The following RPS6KC1 variants were observed in gnomAD, a reference collection of about 807,000 sequenced individuals.
The protein encoded by RPS6KC1 is ribosomal protein S6 kinase C1.
A neutral mutation model predicts 103.8 loss-of-function variants in RPS6KC1; 54 were observed. The ratio of observed to expected loss-of-function variants is 0.52; its 90% CI spans 0.42 to 0.65. The LOEUF is 0.65. RPS6KC1 is among the 30% of genes least tolerant of loss of function. The pLI, the probability that RPS6KC1 is intolerant of heterozygous loss-of-function variation, is 0.00. For missense variants in RPS6KC1, 1,151 were observed against 1,253.8 expected, an observed-to-expected ratio of 0.92 and a Z score of 1.24; for synonymous variants, 439 against 438.7, an observed-to-expected ratio of 1.00 and a Z score of -0.01.
the RPS6KC1 span, among the ~76,000 whole-genome samples, chr1:213,516,137 G>A: frequency 2.0e-5 from 3 of 152,110 alleles, no homozygotes; most frequent in East Asian, 3.9e-4. Flanking sequence ...GGGCTGAGAT[G>A]ATGGGGTTTT....
chr1:213,153,278 AAGGCAGGCGCAG>A (rs1336548739), intron 6 of RPS6KC1, among the ~76,000 whole-genome samples: 13 of 149,802 alleles, frequency 8.7e-5, no homozygotes, highest in South Asian at 6.4e-4. Flanking sequence ...GGGAGAGGCA[AAGGCAGGCGCAG>A]AGGCAGGCAC....
the RPS6KC1 span, among the ~76,000 whole-genome samples, chr1:213,303,300 TCG>T: frequency 6.6e-6 from 1 of 152,194 alleles, no homozygotes; most frequent in Non-Finnish European, 1.5e-5. Context: ...CTTGGAAGCC[TCG>T]GTTGTGAAAG....
At chr1:213,594,160 C>T in the RPS6KC1 span, among the ~76,000 whole-genome samples, 1 of 152,132 alleles carries the variant, frequency 6.6e-6, no homozygotes, top group African/African-American at 2.4e-5. Context: ...CCACCATGCC[C>T]AGCCTAAAAA....
the RPS6KC1 span, among the ~76,000 whole-genome samples, chr1:213,448,143 T>C: frequency 7.4e-6 from 1 of 134,450 alleles, no homozygotes; most frequent in African/African-American, 2.9e-5. Context: ...GAGGCTAAGG[T>C]GGGAGGATTG....
At chr1:213,558,447 CG>C in the RPS6KC1 span, among the ~76,000 whole-genome samples, 1 of 152,060 alleles carries the variant, frequency 6.6e-6, no homozygotes, top group East Asian at 1.9e-4. Context: ...ATTTGGGGTA[CG>C]GGGCCAAAAC....
chr1:213,772,706 G>A, the RPS6KC1 span, among the ~76,000 whole-genome samples: 15 of 152,084 alleles, frequency 9.9e-5, no homozygotes, highest in Non-Finnish European at 2.1e-4. Context: ...CGGGGATGGA[G>A]GAGCAAGAAG....
At chr1:213,306,459 G>A in the RPS6KC1 span, among the ~76,000 whole-genome samples, 13 of 152,308 alleles carry the variant, frequency 8.5e-5, no homozygotes, top group Admixed American at 8.5e-4. Context: ...TAGGCTTTAT[G>A]TTTCCAACAG....
the RPS6KC1 span, among the ~76,000 whole-genome samples, chr1:213,723,896 A>G: frequency 6.6e-6 from 1 of 151,542 alleles, no homozygotes; most frequent in East Asian, 1.9e-4. Flanking sequence ...ATGTCAAATA[A>G]TAATAAAGCC....
the RPS6KC1 span, among the ~76,000 whole-genome samples, chr1:213,744,045 G>T: frequency 6.6e-6 from 1 of 152,216 alleles, no homozygotes; most frequent in South Asian, 2.1e-4. Flanking sequence ...ACCAAATATT[G>T]TATGTTCTCA....
chr1:213,303,176 C>T, the RPS6KC1 span, among the ~76,000 whole-genome samples: 26 of 152,284 alleles, frequency 1.7e-4, no homozygotes, highest in Non-Finnish European at 2.8e-4. Context: ...TGCCTTAGGT[C>T]TTCAGCAAGC....
rs1222736575 is a variant in RPS6KC1, at chr1:213,232,256, G to A, written c.1225+1G>A. The A allele has an allele frequency of 1.2e-6, 2 of 1,613,892 alleles. No homozygotes were observed. Among genetic ancestry groups the A allele is most frequent in the Non-Finnish European group, 1.7e-6 (2 of 1,179,818 alleles). On this transcript the variant is annotated splice_donor_variant, in intron 10 of 14. Transcript: ENST00000366960. LOFTEE classifies it high-confidence loss of function. ...TTTCTTGTGCTGCAGCATGCGGAAG[G>A]TTGGTTTGTAGTTTGGATTGTTTAT... is the stretch of plus-strand genomic sequence containing the variant.
At chr1:213,707,334 G>A in the RPS6KC1 span, among the ~76,000 whole-genome samples, 17 of 152,046 alleles carry the variant, frequency 1.1e-4, no homozygotes, top group African/African-American at 2.9e-4. Flanking sequence ...TTTATTGGCC[G>A]CATAAATGTC....
chr1:213,183,741 A>G (rs1205849442), intron 8 of RPS6KC1, among the ~76,000 whole-genome samples: 1 of 152,110 alleles, frequency 6.6e-6, no homozygotes, highest in Non-Finnish European at 1.5e-5. Context: ...GAACTAGAAA[A>G]AGAACAAAAT....
the RPS6KC1 span, among the ~76,000 whole-genome samples, chr1:213,520,901 T>C: frequency 2.0e-5 from 3 of 152,198 alleles, no homozygotes; most frequent in Non-Finnish European, 4.4e-5. Context: ...GAGGGACACA[T>C]AGTAAGAAAA....
chr1:213,488,241 G>A, the RPS6KC1 span, among the ~76,000 whole-genome samples: 427 of 152,324 alleles, frequency 2.8e-3, 2 homozygotes, highest in Admixed American at 4.5e-3. Flanking sequence ...CATGTAGCTG[G>A]CAATGGATGG....
At chr1:213,279,458 A>G (rs2095118563), downstream of RPS6KC1, among the ~76,000 whole-genome samples, 1 of 152,148 alleles carries the variant, frequency 6.6e-6, no homozygotes, top group South Asian at 2.1e-4. Flanking sequence ...AAACTTATAC[A>G]CTTTTTCCCC....
At chr1:213,136,807 C>A (rs1314615374) in intron 6 of RPS6KC1, among the ~76,000 whole-genome samples, 1 of 152,168 alleles carries the variant, frequency 6.6e-6, no homozygotes, top group Non-Finnish European at 1.5e-5. Flanking sequence ...CTCCCCTCTT[C>A]AAAGGAAATT....
the RPS6KC1 span, chr1:213,820,615 A>T: frequency 6.6e-6 from 1 of 152,178 alleles, no homozygotes; most frequent in East Asian, 1.9e-4. Flanking sequence ...GTAGGCACAC[A>T]CACACAAAAA....
At chr1:213,063,115 A>G (rs1369124507) in intron 1 of RPS6KC1, among the ~76,000 whole-genome samples, 2 of 152,210 alleles carry the variant, frequency 1.3e-5, no homozygotes, top group East Asian at 1.9e-4. Flanking sequence ...GGGCAGTGCC[A>G]ACACCATTAT....
Sources: allele counts gnomAD v4.1 joint callset (sites outside exome capture counted in the v4.1 genomes callset), GRCh38; gene constraint gnomAD v4.1.1; transcripts MANE v1.5; gene names NCBI Gene and HGNC (gene_info 2026-07-23, HGNC 2026-07-21).